Variants in ARMH3 observed in about 807,000 individuals in gnomAD.
The protein encoded by ARMH3 is armadillo-like helical domain-containing protein 3.
In ARMH3, 60 loss-of-function variants were observed where a neutral mutation model predicts 99.1. That is an observed-to-expected ratio of 0.61 (90% CI 0.49 to 0.75). ARMH3 has a LOEUF of 0.75. ARMH3 is among the 30% of genes least tolerant of loss of function. The probability of loss-of-function intolerance (pLI) is 0.00; values close to 1 mark genes in which losing one functional copy is unlikely to be tolerated. For missense variants in ARMH3, 679 were observed against 843.1 expected (o/e 0.81, Z 2.41); for synonymous variants, 285 against 292.8 (o/e 0.97, Z 0.27).
At chr10:101,921,762 T>TA (rs1445922508) in intron 23 of ARMH3, among the ~76,000 whole-genome samples, 5 of 152,174 alleles carry the variant, frequency 3.3e-5, no homozygotes. Flanking sequence ...TTCTCACTCA[T>TA]AGGTAGTAGC....
In ARMH3 at chr10:102,055,984, C is replaced by G. The variant is rs543217442; in HGVS notation, c.-12+101G>C. The stretch of plus-strand genomic sequence containing the variant: ...TCGTCGTCCCCGCGGCCAGCGCAGG[C>G]CCCGCCCCCAGAACCGCCTCGGGGC... On this transcript the variant is annotated intron_variant, in intron 1 of 25. Coordinates refer to ENST00000370033, the MANE Select transcript of ARMH3 (RefSeq NM_024541.3). 2.0e-5 allele frequency: 3 copies of G among 152,634 alleles called. No individual in the cohort carries two copies. The East Asian group carries it at 5.8e-4, about 29-fold the overall frequency. The allele number at this position is 152,634 out of a possible 1,614,324, so 9.5% of individuals were successfully genotyped here. A position where few individuals can be genotyped will look rare whatever the true frequency, so the allele number is the denominator to read the frequency against.
chr10:101,877,306 T>G (rs531703629), intron 24 of ARMH3, among the ~76,000 whole-genome samples: 53 of 151,970 alleles, frequency 3.5e-4, no homozygotes, highest in Non-Finnish European at 6.2e-4. Flanking sequence ...AAGGCTGCAG[T>G]GAGCCATGAT....
chr10:101,961,149 C>T (rs962260201), intron 20 of ARMH3, among the ~76,000 whole-genome samples: 14 of 152,164 alleles, frequency 9.2e-5, no homozygotes, highest in Admixed American at 2.0e-4. Context: ...TTATCGCCTT[C>T]CTGTCACTCA....
At chr10:101,939,613 A>C (rs1332988460) in intron 23 of ARMH3, among the ~76,000 whole-genome samples, 1 of 152,210 alleles carries the variant, frequency 6.6e-6, no homozygotes, top group Non-Finnish European at 1.5e-5. Context: ...AGCATGCCTG[A>C]AAAGGGCTTA....
Position 102,011,723 on chromosome 10 carries a change from C to T in ARMH3, c.831G>A (p.Met277Ile). Residue 277 changes from methionine (M) to isoleucine (I), a missense_variant and splice_region_variant, in exon 11 of 26, where the codon ATG (methionine) becomes ATA (isoleucine). Coordinates refer to ENST00000370033, the MANE Select transcript of ARMH3 (RefSeq NM_024541.3). ...QSGFFSALTN[M>I]VGSMFIADAH... is the part of the protein sequence containing the mutation. ...GAGAAAAAAAAAAAGCAGGACTTAC[C>T]ATATTTGTTAAAGCAGAGAAAAAAC... is the stretch of plus-strand genomic sequence containing the variant. 6.2e-7 allele frequency: 1 copy of T among 1,604,278 alleles called. No homozygotes were observed. Among genetic ancestry groups the T allele is most frequent in the Non-Finnish European group, 8.5e-7 (1 of 1,175,614 alleles).
At chr10:101,851,725 G>A (rs545580837) in intron 24 of ARMH3, among the ~76,000 whole-genome samples, 14 of 152,318 alleles carry the variant, frequency 9.2e-5, no homozygotes, top group South Asian at 2.1e-4. Flanking sequence ...GAGAGTTACC[G>A]AGTTCGGTTT....
intron 23 of ARMH3, among the ~76,000 whole-genome samples, chr10:101,918,355 T>C (rs1431152140): frequency 6.6e-6 from 1 of 152,094 alleles, no homozygotes; most frequent in Admixed American, 6.6e-5. Context: ...CGCCTGGCCA[T>C]CCAGTATATT....
chr10:101,978,391 T>C (rs1165034639), intron 19 of ARMH3, among the ~76,000 whole-genome samples: 7 of 152,098 alleles, frequency 4.6e-5, no homozygotes, highest in Admixed American at 4.6e-4. Flanking sequence ...CAAAGAATAT[T>C]GATAAAAATA....
chr10:102,020,246 G>A (rs1434982756), intron 8 of ARMH3, among the ~76,000 whole-genome samples: 1 of 150,622 alleles, frequency 6.6e-6, no homozygotes, highest in African/African-American at 2.4e-5. Context: ...TTATCAAGTC[G>A]ATAGTTGGCC....
chr10:101,966,927 T>C (rs1005101233), intron 20 of ARMH3, among the ~76,000 whole-genome samples: 1 of 152,192 alleles, frequency 6.6e-6, no homozygotes. Context: ...GAGGCTTAAT[T>C]ATAAAACCAA....
intron 19 of ARMH3, among the ~76,000 whole-genome samples, chr10:101,986,747 G>A (rs17777943): frequency 0.054 from 8,159 of 152,220 alleles, 317 homozygotes; most frequent in Non-Finnish European, 0.083. Context: ...ACCTGATAAG[G>A]ACTTGATGCT....
chr10:101,864,730 C>G (rs1238200548), intron 24 of ARMH3, among the ~76,000 whole-genome samples: 1 of 152,072 alleles, frequency 6.6e-6, no homozygotes, highest in Non-Finnish European at 1.5e-5. Flanking sequence ...ACATCACACA[C>G]TGGGGTCTGT....
intron 1 of ARMH3, among the ~76,000 whole-genome samples, chr10:102,051,083 G>A (rs1341103014): frequency 6.6e-6 from 1 of 151,140 alleles, no homozygotes; most frequent in Non-Finnish European, 1.5e-5. Context: ...GAACCCGGGA[G>A]AGGGAGGTTG....
At chr10:101,961,483 G>A (rs534140596) in intron 20 of ARMH3, among the ~76,000 whole-genome samples, 6 of 152,208 alleles carry the variant, frequency 3.9e-5, no homozygotes, top group African/African-American at 1.4e-4. Flanking sequence ...AAAAATATGG[G>A]TATAAACAAT....
chr10:102,007,084 C>T (rs1201530956), intron 13 of ARMH3, among the ~76,000 whole-genome samples: 2 of 141,818 alleles, frequency 1.4e-5, no homozygotes, highest in Non-Finnish European at 3.0e-5. Context: ...TCACTTGAAC[C>T]CAGGAGGCGG....
chr10:101,879,634 G>C (rs1268177289), intron 24 of ARMH3, among the ~76,000 whole-genome samples: 1 of 152,164 alleles, frequency 6.6e-6, no homozygotes, highest in African/African-American at 2.4e-5. Flanking sequence ...CTACAGGCAT[G>C]AATCACCATG....
intron 24 of ARMH3, among the ~76,000 whole-genome samples, chr10:101,861,586 T>C (rs993955992): frequency 2.0e-5 from 3 of 151,078 alleles, no homozygotes; most frequent in African/African-American, 7.3e-5. Flanking sequence ...AAAAATTAGC[T>C]GGGCATAGTG....
chr10:101,861,729 C>CAAAAA (rs35593972), intron 24 of ARMH3, among the ~76,000 whole-genome samples: 15 of 44,098 alleles, frequency 3.4e-4, no homozygotes, highest in East Asian at 1.3e-3. Context: ...GACTCCGTCT[C>CAAAAA]AAAAAAAAAA....
intron 1 of ARMH3, among the ~76,000 whole-genome samples, chr10:102,047,159 C>T (rs2067576044): frequency 1.3e-5 from 2 of 152,226 alleles, no homozygotes; most frequent in South Asian, 4.1e-4. Flanking sequence ...ATAAAACACC[C>T]TAATGTCCAC....
Sources: allele counts gnomAD v4.1 joint callset (sites outside exome capture counted in the v4.1 genomes callset), GRCh38; gene constraint gnomAD v4.1.1; transcripts MANE v1.5; gene names NCBI Gene and HGNC (gene_info 2026-07-23, HGNC 2026-07-21).